AHCY: variants seen among roughly 807,000 people sequenced by gnomAD.
AHCY encodes the protein S-adenosyl-L-homocysteine hydrolase.
Under a neutral mutation model 45.4 loss-of-function variants are expected in AHCY, and 24 were observed. That is an observed-to-expected ratio of 0.53 (90% CI 0.38 to 0.74). The LOEUF (loss-of-function observed/expected upper bound fraction) is 0.74, where lower values mean the gene tolerates loss of function less well. AHCY is among the 30% of genes least tolerant of loss of function. The probability of loss-of-function intolerance (pLI) is 0.00; values close to 1 mark genes in which losing one functional copy is unlikely to be tolerated. For synonymous variants in AHCY, 245 were observed against 235.1 expected (o/e 1.04, Z -0.39); for missense variants, 449 against 594.1 (o/e 0.76, Z 2.54).
chr20:34,250,668 A>G, the AHCY span, among the ~76,000 whole-genome samples: 1 of 152,102 alleles, frequency 6.6e-6, no homozygotes, highest in Non-Finnish European at 1.5e-5. Flanking sequence ...GTAGTGGTGC[A>G]TGCCTGTAAT....
the AHCY span, among the ~76,000 whole-genome samples, chr20:34,258,326 T>C: frequency 6.7e-6 from 1 of 149,692 alleles, no homozygotes; most frequent in African/African-American, 2.5e-5. Context: ...GTGGAACACA[T>C]AGGGTCTCCG....
At position 34,303,312 on chromosome 20, in the gene AHCY, C is replaced by T; in HGVS notation, c.-42G>A. 3 of 1,551,696 alleles carry T rather than the reference C, an allele frequency of 1.9e-6. No homozygotes were observed. Among genetic ancestry groups the T allele is most frequent in the Non-Finnish European group, 2.6e-6 (3 of 1,146,954 alleles). On this transcript the variant is annotated 5_prime_UTR_variant, in exon 1 of 10. Transcript: ENST00000217426. ...ATGGAAACGGGCGAAGGGGGCTGGG[C>T]CTCAGTCTGGGAACAGGAACTGGGC...
intron 8 of AHCY, among the ~76,000 whole-genome samples, chr20:34,287,643 C>T (rs912175304): frequency 1.3e-5 from 2 of 151,656 alleles, no homozygotes; most frequent in African/African-American, 4.8e-5. Context: ...CCGCCTGCCT[C>T]GGCCTCCCAA....
chr20:34,271,094 C>G, the AHCY span, among the ~76,000 whole-genome samples: 1 of 152,072 alleles, frequency 6.6e-6, no homozygotes, highest in Non-Finnish European at 1.5e-5. Context: ...CAACCTCAGC[C>G]TCCCAAGTAG....
the AHCY span, among the ~76,000 whole-genome samples, chr20:34,256,715 A>G: frequency 5.7e-4 from 87 of 152,330 alleles, no homozygotes; most frequent in Non-Finnish European, 1.1e-3. Flanking sequence ...AAGACACAAA[A>G]TAACTACACG....
the AHCY span, chr20:34,241,505 A>G: frequency 2.0e-6 from 2 of 985,460 alleles, no homozygotes; most frequent in Non-Finnish European, 2.4e-6. Flanking sequence ...TTTAGATGGC[A>G]ACTTTAATCT....
chr20:34,287,194 T>C (rs1029930858), intron 8 of AHCY, among the ~76,000 whole-genome samples: 5 of 152,044 alleles, frequency 3.3e-5, no homozygotes, highest in Non-Finnish European at 5.9e-5. Flanking sequence ...CTTCAATCAA[T>C]AAGCACTCAC....
intron 1 of AHCY, chr20:34,302,086 C>T (rs1274877905): frequency 2.0e-5 from 14 of 689,922 alleles, no homozygotes; most frequent in Non-Finnish European, 1.1e-5. Flanking sequence ...CTGCAACCTC[C>T]GTCTCCCCGG....
At chr20:34,275,004 T>C in the AHCY span, among the ~76,000 whole-genome samples, 13 of 152,018 alleles carry the variant, frequency 8.6e-5, no homozygotes, top group Admixed American at 7.2e-4. Flanking sequence ...CCCTCACTGC[T>C]GTATGACCTT....
chr20:34,297,582 C>T lies in AHCY; in HGVS notation c.29-1997G>A, dbSNP rs577210845. On this transcript the variant is annotated intron_variant, in intron 1 of 9. Coordinates refer to ENST00000217426, the MANE Select transcript of AHCY (RefSeq NM_000687.4). ...AAGTGCTGGGATTACAGGTGTGAGC[C>T]ACCACACCTGGCCAAGATATCATAT... Among the ~76,000 whole-genome samples the T allele has an allele frequency of 2.0e-5, 3 of 152,140 alleles. No homozygotes were observed. In the South Asian group the frequency reaches 6.2e-4, roughly 32 times the overall value.
At chr20:34,292,642 C>T in intron 3 of AHCY, 135 bp from the exon 4 acceptor site, 1 of 1,289,698 alleles carries the variant, frequency 7.8e-7, no homozygotes, top group Admixed American at 1.8e-5. Context: ...GAAAACTCAG[C>T]AGTGGTCAGG....
chr20:34,310,186 T>G (rs942572348), intron 1 of AHCY, among the ~76,000 whole-genome samples: 4 of 152,060 alleles, frequency 2.6e-5, no homozygotes, highest in Non-Finnish European at 4.4e-5. Flanking sequence ...CCCAAGTAGC[T>G]GGGATTACAG....
At chr20:34,264,203 TAGAA>T in the AHCY span, among the ~76,000 whole-genome samples, 12 of 152,024 alleles carry the variant, frequency 7.9e-5, no homozygotes, top group Non-Finnish European at 1.8e-4. Context: ...CCATTCAAAA[TAGAA>T]AGAAAATAAC....
At chr20:34,243,758 T>TA in the AHCY span, among the ~76,000 whole-genome samples, 4,823 of 134,040 alleles carry the variant, frequency 0.036, 235 homozygotes, top group African/African-American at 0.11. Flanking sequence ...ATATTGTATT[T>TA]AAAAAAAAAA....
chr20:34,295,077 G>A (rs1014983115), intron 2 of AHCY: 7 of 443,876 alleles, frequency 1.6e-5, no homozygotes, highest in East Asian at 4.8e-5. Context: ...TGTGACCCCC[G>A]AAGGGCCAAG....
chr20:34,292,581 C>T, intron 3 of AHCY, 74 bp from the exon 4 acceptor site: 2 of 1,602,256 alleles, frequency 1.2e-6, no homozygotes, highest in Non-Finnish European at 8.5e-7. Flanking sequence ...TCTGGCAGAG[C>T]CAAAACTACC....
the AHCY span, among the ~76,000 whole-genome samples, chr20:34,274,321 A>G: frequency 6.6e-6 from 1 of 152,192 alleles, no homozygotes; most frequent in Non-Finnish European, 1.5e-5. Flanking sequence ...ATGTTAAGCA[A>G]TGTGTCTAGA....
At chr20:34,304,680 T>C (rs561477712), upstream of AHCY, among the ~76,000 whole-genome samples, 116 of 151,938 alleles carry the variant, frequency 7.6e-4, no homozygotes, top group African/African-American at 2.6e-3. Context: ...CCACCACACC[T>C]GGCTAATTTT....
chr20:34,262,378 T>C, the AHCY span, among the ~76,000 whole-genome samples: 5 of 152,140 alleles, frequency 3.3e-5, no homozygotes, highest in African/African-American at 1.2e-4. Flanking sequence ...TCAAATCAGG[T>C]CCTCCTGGCT....
Sources: allele counts gnomAD v4.1 joint callset (sites outside exome capture counted in the v4.1 genomes callset), GRCh38; gene constraint gnomAD v4.1.1; transcripts MANE v1.5; gene names NCBI Gene and HGNC (gene_info 2026-07-23, HGNC 2026-07-21).